ESR2: variants seen among roughly 807,000 people sequenced by gnomAD.
ESR2 encodes estrogen receptor 2.
In ESR2, 36 loss-of-function variants were observed where a neutral mutation model predicts 49.6. The ratio of observed to expected loss-of-function variants is 0.73; its 90% CI spans 0.56 to 0.96. The LOEUF is 0.96. Ranked by LOEUF, ESR2 falls within the 40% of genes least tolerant of loss-of-function variation. The pLI is 0.00. For synonymous variants in ESR2, 320 were observed against 266.1 expected (o/e 1.20, Z -1.97); for missense variants, 714 against 693.0 (o/e 1.03, Z -0.34).
chr14:64,334,799 G>A (rs1457247410), intron 1 of ESR2, among the ~76,000 whole-genome samples: 2 of 152,142 alleles, frequency 1.3e-5, no homozygotes. Flanking sequence ...GGCGTGTGAC[G>A]CCAGGCCAGG....
At chr14:64,313,518 G>A (rs1273631327) in intron 1 of ESR2, among the ~76,000 whole-genome samples, 11 of 124,632 alleles carry the variant, frequency 8.8e-5, no homozygotes, top group African/African-American at 2.7e-4. Flanking sequence ...TGGGGCAACA[G>A]TGAGGCTCTG....
In ESR2 at chr14:64,282,658, C is replaced by CTTCA; in HGVS notation, c.324_327dup (p.Ala110Ter). 1 of 1,609,430 alleles carries CTTCA rather than the reference C, an allele frequency of 6.2e-7. No individual in the cohort carries two copies. The highest frequency in any genetic ancestry group is 8.5e-7 in the Non-Finnish European group (1 of 1,175,946). On this transcript the variant is annotated stop_gained and frameshift_variant, in exon 2 of 9. Transcript: ENST00000341099. LOFTEE classifies it high-confidence loss of function. The stretch of plus-strand genomic sequence containing the variant: ...GGTAAGGTGTGTTCTAGCGATCTTG[C>CTTCA]TTCACACCAGGGACTCTTTTGAGGT...
intron 3 of ESR2, among the ~76,000 whole-genome samples, chr14:64,275,050 G>A (rs1206309544): frequency 6.6e-6 from 1 of 152,176 alleles, no homozygotes; most frequent in Non-Finnish European, 1.5e-5. Context: ...CATGTGCTGA[G>A]GAAAAGAATG....
rs773174281 is a variant in ESR2 at position 64,235,043 on chromosome 14, C to T, written c.1333G>A (p.Gly445Ser). 4.3e-6 allele frequency: 7 copies of T among 1,614,082 alleles called. No individual in the cohort carries two copies. Among genetic ancestry groups the T allele is most frequent in the African/African-American group, 1.3e-5 (1 of 74,922 alleles). The stretch of plus-strand genomic sequence containing the variant: ...ATGGATTGCTGCTGGGAGGAGATGC[C>T]GCTCTTGGCAATCACCCAAACCAAA... The part of the protein sequence containing the change: ...DALVWVIAKS[G>S]ISSQQQSMRL... The change falls in exon 8 of 9, where the codon GGC (glycine) becomes AGC (serine). Residue 445 changes from glycine to serine, a missense_variant. Gly to Ser is a moderately conservative substitution (Grantham distance 56). Transcript: ENST00000341099.
upstream of ESR2, chr14:64,338,267 C>A (rs2077556550): frequency 6.4e-6 from 1 of 155,586 alleles, no homozygotes; most frequent in Non-Finnish European, 1.5e-5. Flanking sequence ...AGCTCTGACA[C>A]TCCTTCCAGC....
At chr14:64,286,273 T>C (rs1032991179) in intron 1 of ESR2, among the ~76,000 whole-genome samples, 3 of 152,184 alleles carry the variant, frequency 2.0e-5, no homozygotes, top group African/African-American at 7.2e-5. Context: ...TTTAATACTA[T>C]ATGTAATTAA....
chr14:64,260,769 A>T (rs764267494), intron 4 of ESR2, 21 bp from the exon 5 acceptor site: 8 of 1,438,608 alleles, frequency 5.6e-6, no homozygotes, highest in African/African-American at 4.4e-5. Context: ...AAGCAGAGTC[A>T]TTCGAATTGC....
chr14:64,324,089 C>T (rs28402888), intron 1 of ESR2, among the ~76,000 whole-genome samples: 23,901 of 152,068 alleles, frequency 0.16, 2,476 homozygotes, highest in African/African-American at 0.29. Context: ...GAAATGAGTG[C>T]GGTAGCCAGA....
At chr14:64,257,685 T>G (rs2076131792) in intron 5 of ESR2, among the ~76,000 whole-genome samples, 1 of 142,214 alleles carries the variant, frequency 7.0e-6, no homozygotes, top group Non-Finnish European at 1.5e-5. Context: ...TGTTGATGCT[T>G]GGCTGCCAGT....
intron 1 of ESR2, among the ~76,000 whole-genome samples, chr14:64,291,588 G>A (rs1317845307): frequency 1.3e-5 from 2 of 152,152 alleles, no homozygotes; most frequent in African/African-American, 4.8e-5. Flanking sequence ...GCTCCTAACT[G>A]TATACTGAAT....
intron 1 of ESR2, among the ~76,000 whole-genome samples, chr14:64,289,206 G>A (rs1290818294): frequency 6.6e-6 from 1 of 151,752 alleles, no homozygotes; most frequent in Non-Finnish European, 1.5e-5. Context: ...GGTGAAATGA[G>A]ATGATGTCTG....
At chr14:64,326,387 T>C (rs192739236) in intron 1 of ESR2, among the ~76,000 whole-genome samples, 1 of 152,258 alleles carries the variant, frequency 6.6e-6, no homozygotes, top group Non-Finnish European at 1.5e-5. Context: ...AATACAGCTT[T>C]GTGATTCATG....
chr14:64,255,825 C>G (rs2140706108), intron 6 of ESR2, among the ~76,000 whole-genome samples: 1 of 152,334 alleles, frequency 6.6e-6, no homozygotes, highest in South Asian at 2.1e-4. Context: ...GAGCCTCCCT[C>G]CATGGTTTAC....
At chr14:64,256,904 T>C (rs1409691356) in intron 6 of ESR2, among the ~76,000 whole-genome samples, 3 of 152,172 alleles carry the variant, frequency 2.0e-5, no homozygotes, top group Non-Finnish European at 4.4e-5. Flanking sequence ...GATTATAACC[T>C]GAAAATGGAA....
chr14:64,311,216 A>T (rs951932911), intron 1 of ESR2, among the ~76,000 whole-genome samples: 4 of 152,224 alleles, frequency 2.6e-5, no homozygotes, highest in South Asian at 2.1e-4. Context: ...TTAATATTTT[A>T]AAATGCATTT....
At chr14:64,291,004 C>T (rs1313854790) in intron 1 of ESR2, among the ~76,000 whole-genome samples, 1 of 152,164 alleles carries the variant, frequency 6.6e-6, no homozygotes, top group Non-Finnish European at 1.5e-5. Flanking sequence ...TCTCAAGTGT[C>T]TTCTCTCTCA....
chr14:64,249,808 C>A (rs1465688924), intron 6 of ESR2, 129 bp from the exon 7 acceptor site: 1 of 932,446 alleles, frequency 1.1e-6, no homozygotes, highest in Non-Finnish European at 1.6e-6. Context: ...ATCATTTTAA[C>A]TACAACAGGG....
Position 64,280,160 on chromosome 14 carries a change from AG to A in ESR2, c.363-8del. On this transcript the variant is annotated splice_region_variant and splice_polypyrimidine_tract_variant and intron_variant, in intron 2 of 8. Transcript: ENST00000341099. ...CTTCCTTTTCAGTGTCTCTCTAGGG[AG>A]CAAAGAAAATATCCATTGAACAGAG... The A allele has an allele frequency of 1.2e-6, 2 of 1,612,206 alleles. No homozygotes were observed. The highest frequency in any genetic ancestry group is 1.7e-6 in the Non-Finnish European group (2 of 1,178,442).
intron 1 of ESR2, among the ~76,000 whole-genome samples, chr14:64,289,508 A>C (rs1008699508): frequency 2.0e-5 from 3 of 151,898 alleles, no homozygotes; most frequent in African/African-American, 7.3e-5. Context: ...GCAAAACTTC[A>C]TTTCAAAAAA....
Sources: gnomAD v4.1 joint callset for allele counts (sites outside exome capture counted in the v4.1 genomes callset) on GRCh38, gnomAD v4.1.1 for gene constraint, MANE v1.5 for transcripts, NCBI Gene and HGNC (gene_info 2026-07-23, HGNC 2026-07-21) for gene names.